PABPC1: variants seen among roughly 807,000 people sequenced by gnomAD.
PABPC1 encodes the protein polyadenylate-binding protein 1.
In PABPC1, 4 loss-of-function variants were observed where a neutral mutation model predicts 74.0. The observed-to-expected ratio is 0.05, with a 90% CI of 0.03 to 0.12. The LOEUF is 0.12. PABPC1 is among the 10% of genes least tolerant of loss of function. PABPC1 has a pLI of 1.00. For synonymous variants in PABPC1, 227 were observed against 264.1 expected, an observed-to-expected ratio of 0.86 and a Z score of 1.36; for missense variants, 271 against 821.1, an observed-to-expected ratio of 0.33 and a Z score of 8.19.
At chr8:100,708,972 C>G (rs1445134867) in intron 9 of PABPC1, among the ~76,000 whole-genome samples, 161 bp downstream of exon 9, 1 of 152,182 alleles carries the variant, frequency 6.6e-6, no homozygotes, top group Non-Finnish European at 1.5e-5. Context: ...GTAGACATTA[C>G]TATCTTAGCA....
chr8:100,711,259 G>T (rs1239200989), intron 7 of PABPC1, among the ~76,000 whole-genome samples: 2 of 151,858 alleles, frequency 1.3e-5, no homozygotes, highest in Non-Finnish European at 2.9e-5. Context: ...CAGCCCAGGC[G>T]AGAGTGAGAC....
In PABPC1 at chr8:100,721,800, T is replaced by A; in HGVS notation, c.-217A>T. 2.4e-6 allele frequency: 1 copy of A among 423,178 alleles called. No individual in the cohort carries two copies. The highest frequency in any genetic ancestry group is 4.2e-6 in the Non-Finnish European group (1 of 237,902). 26.2% of individuals were successfully genotyped at this position (423,178 alleles called of 1,614,324 possible). Reference sequence around the variant, plus strand: ...TGCCGGCGGGGAGCGAGGGTGGCGGTGTCGGGTCCGGGCAGCGGGAAGGCC... The same window carrying A: ...TGCCGGCGGGGAGCGAGGGTGGCGGAGTCGGGTCCGGGCAGCGGGAAGGCC... On this transcript the variant is annotated 5_prime_UTR_variant, in exon 1 of 15. Transcript: ENST00000318607. This position sits in a 1 kb window ranked among gnomAD's most constrained non-coding sequence, Gnocchi z 7.4.
chr8:100,718,301 G>A (rs368312291), intron 1 of PABPC1, 21 bp from the exon 2 acceptor site: 18 of 1,599,346 alleles, frequency 1.1e-5, no homozygotes, highest in Non-Finnish European at 1.5e-5. Flanking sequence ...GACATTTTCA[G>A]AGTCAATATT....
chr8:100,716,032 A>G (rs1810660180), intron 3 of PABPC1, among the ~76,000 whole-genome samples: 1 of 152,254 alleles, frequency 6.6e-6, no homozygotes, highest in South Asian at 2.1e-4. Context: ...AACACACAAC[A>G]GCCTGACATA....
Position 100,703,206 on chromosome 8 carries a change from G to A in PABPC1, c.*155C>T. ...ACTAGCATTATGTTTGCTAGACCTG[G>A]CATTTGCTCGGTACATAAGGTTCAA... On this transcript the variant is annotated 3_prime_UTR_variant, in exon 15 of 15. Coordinates refer to ENST00000318607, the MANE Select transcript of PABPC1 (RefSeq NM_002568.4). The A allele has an allele frequency of 6.0e-6, 1 of 167,050 alleles. No individual in the cohort carries two copies. 10.3% of individuals were successfully genotyped at this position (167,050 alleles called of 1,614,324 possible).
Position 100,721,536 on chromosome 8 carries a change from C to A in PABPC1, c.48G>T (p.Gly16=). Residue 16 remains glycine, a synonymous_variant, in exon 1 of 15, where the codon GGG becomes GGT. Transcript: ENST00000318607. The surrounding 1 kb of genome is among the most constrained non-coding windows in gnomAD (Gnocchi z 7.4). ...PSYPMASLYV[G]DLHPDVTEAM... Reference sequence around the variant, plus strand: ...CCTCGGTCACGTCGGGGTGGAGGTCCCCCACGTAGAGCGAGGCCATGGGGT... The same window carrying A: ...CCTCGGTCACGTCGGGGTGGAGGTCACCCACGTAGAGCGAGGCCATGGGGT... 6.2e-7 allele frequency: 1 copy of A among 1,609,322 alleles called. No individual in the cohort carries two copies. Among genetic ancestry groups the A allele is most frequent in the South Asian group, 1.1e-5 (1 of 90,670 alleles).
At chr8:100,706,219 C>T (rs1587145395) in intron 11 of PABPC1, among the ~76,000 whole-genome samples, 1 of 152,212 alleles carries the variant, frequency 6.6e-6, no homozygotes, top group African/African-American at 2.4e-5. Flanking sequence ...GCTGCTTGTC[C>T]AATTCCAAAA....
At chr8:100,704,902 A>G in intron 13 of PABPC1, 24 bp downstream of exon 13, 2 of 1,610,796 alleles carry the variant, frequency 1.2e-6, no homozygotes, top group East Asian at 4.5e-5. Flanking sequence ...GTAAGAGGCA[A>G]CTTGGTAAAT....
At chr8:100,712,514 A>G in intron 6 of PABPC1, 57 bp from the exon 7 acceptor site, 8 of 1,456,702 alleles carry the variant, frequency 5.5e-6, no homozygotes, top group Non-Finnish European at 7.5e-6. Context: ...ACCTAAGTAC[A>G]TCGGGTCTAT....
At chr8:100,714,221 G>T (rs892156656) in intron 4 of PABPC1, among the ~76,000 whole-genome samples, 3 of 152,208 alleles carry the variant, frequency 2.0e-5, no homozygotes, top group Non-Finnish European at 2.9e-5. Context: ...TACTCATACG[G>T]TAGGTAGTTA....
intron 9 of PABPC1, among the ~76,000 whole-genome samples, chr8:100,708,439 G>C (rs1350027029): frequency 1.3e-5 from 2 of 152,042 alleles, no homozygotes; most frequent in African/African-American, 4.8e-5. Context: ...CTAGAAGAAA[G>C]AGTGAGACTC....
rs568391397 is a variant in PABPC1, at chr8:100,710,382, G to A, written c.973-651C>T. 5.3e-5 allele frequency among the ~76,000 whole-genome samples: 8 copies of A among 152,290 alleles called. No homozygotes were observed. In the East Asian group the frequency reaches 1.3e-3, roughly 26 times the overall value. ...AAAACTACATTAACAGTATGCGAGT[G>A]GCATAGGAACAAACGGTAATAAAAC... On this transcript the variant is annotated intron_variant, in intron 7 of 14. Coordinates refer to ENST00000318607, the MANE Select transcript of PABPC1 (RefSeq NM_002568.4).
rs745547455 is a variant in PABPC1, at chr8:100,713,202, A to AATCAAAGAT, written c.644-30_644-22dup. On this transcript the variant is annotated intron_variant, in intron 4 of 14. Coordinates refer to ENST00000318607, the MANE Select transcript of PABPC1 (RefSeq NM_002568.4). ...AGGCCCTAAAAAATTTTTTTACATA[A>AATCAAAGAT]ATCAAAGATATTCCATACAACATTC... 5 of 1,360,862 alleles carry AATCAAAGAT rather than the reference A, an allele frequency of 3.7e-6. No homozygotes were observed. In the African/African-American group the frequency reaches 7.3e-5, roughly 20 times the overall value. The allele number at this position is 1,360,862 out of a possible 1,614,324, so 84.3% of individuals were successfully genotyped here.
At chr8:100,710,676 A>C (rs928513818) in intron 7 of PABPC1, among the ~76,000 whole-genome samples, 1 of 152,268 alleles carries the variant, frequency 6.6e-6, no homozygotes, top group Non-Finnish European at 1.5e-5. Flanking sequence ...AAATTCGAAG[A>C]AAATATTTCC....
chr8:100,708,981 C>T, intron 9 of PABPC1, 152 bp downstream of exon 9: 2 of 682,988 alleles, frequency 2.9e-6, no homozygotes, highest in African/African-American at 1.8e-5. Context: ...ACTATCTTAG[C>T]ACTGCTTTTA....
intron 4 of PABPC1, among the ~76,000 whole-genome samples, chr8:100,715,160 T>C (rs3133528): frequency 0.35 from 31,863 of 90,666 alleles, 4,320 homozygotes; most frequent in African/African-American, 0.49. Context: ...CACACACACA[T>C]ATATATCTCC....
chr8:100,710,849 T>C (rs1587153844), intron 7 of PABPC1, among the ~76,000 whole-genome samples: 1 of 151,854 alleles, frequency 6.6e-6, no homozygotes, highest in Non-Finnish European at 1.5e-5. Context: ...TAGCCGGGCA[T>C]GGTGGCAGGT....
At chr8:100,705,956 T>C (rs1810368559) in intron 11 of PABPC1, among the ~76,000 whole-genome samples, 1 of 152,224 alleles carries the variant, frequency 6.6e-6, no homozygotes, top group African/African-American at 2.4e-5. Flanking sequence ...CAAGCAACTT[T>C]CCTGCCTCAG....
rs1268691427 is a variant in PABPC1 at position 100,717,900 on chromosome 8, CAT to C, written c.388-14_388-13del. ...TCATCACAAACCACCTAGGGAAAAA[CAT>C]ATACCCATTTTTCTTTATTTGCTAT... On this transcript the variant is annotated splice_polypyrimidine_tract_variant and intron_variant, in intron 2 of 14. Transcript: ENST00000318607. 1.9e-6 allele frequency: 3 copies of C among 1,561,152 alleles called. No homozygotes were observed. The African/African-American group carries it at 4.1e-5, about 21-fold the overall frequency.
Sources: gnomAD v4.1 joint callset for allele counts (sites outside exome capture counted in the v4.1 genomes callset) on GRCh38, gnomAD v4.1.1 for gene constraint, Gnocchi (gnomAD v3.1) non-coding constraint, MANE v1.5 for transcripts, NCBI Gene and HGNC (gene_info 2026-07-23, HGNC 2026-07-21) for gene names.